Variants in DAD1 observed in about 807,000 individuals in gnomAD.
The protein encoded by DAD1 is dolichyl-diphosphooligosaccharide--protein glycosyltransferase subunit DAD1.
In DAD1, 4 loss-of-function variants were observed where a neutral mutation model predicts 9.0. That is an observed-to-expected ratio of 0.44 (90% CI 0.22 to 1.01). The LOEUF is 1.01. DAD1 is among the 50% of genes least tolerant of loss of function. The pLI, the probability that DAD1 is intolerant of heterozygous loss-of-function variation, is 0.24. For synonymous variants in DAD1, 60 were observed against 62.5 expected (o/e 0.96, Z 0.19); for missense variants, 119 against 137.3 (o/e 0.87, Z 0.67).
At chr14:22,567,704 G>T (rs2037010475) in intron 2 of DAD1, among the ~76,000 whole-genome samples, 2 of 152,166 alleles carry the variant, frequency 1.3e-5, no homozygotes, top group Non-Finnish European at 2.9e-5. Context: ...GTGGCTAGTG[G>T]TTACCATAAT....
Position 22,573,481 on chromosome 14 carries a change from A to G in DAD1, c.*44+1578T>C, listed in dbSNP as rs533551266. Among the ~76,000 whole-genome samples the G allele has an allele frequency of 7.9e-5, 12 of 152,190 alleles. 1 individual carries two copies. In the South Asian group the frequency reaches 1.0e-3, roughly 13 times the overall value. ...AAAAGTTTTTCACTGTTGGGAGGCC[A>G]AGGCGGGCGGATCACCAGGTCAGGA... On this transcript the variant is annotated intron_variant, in intron 2 of 2. Transcript: ENST00000250498.
chr14:22,566,544 G>C (rs5742862), intron 2 of DAD1, among the ~76,000 whole-genome samples: 2,066 of 152,222 alleles, frequency 0.014, 17 homozygotes, highest in Non-Finnish European at 0.021. Context: ...ATGTTGGTCA[G>C]GCTGGTCTCG....
At chr14:22,567,469 T>A (rs1266979786) in intron 2 of DAD1, among the ~76,000 whole-genome samples, 1 of 152,222 alleles carries the variant, frequency 6.6e-6, no homozygotes, top group Non-Finnish European at 1.5e-5. Context: ...GCACAGACTG[T>A]GTATTTCTAA....
At chr14:22,588,374 G>C (rs947465985) in intron 1 of DAD1, among the ~76,000 whole-genome samples, 53 of 152,212 alleles carry the variant, frequency 3.5e-4, no homozygotes, top group African/African-American at 1.3e-3. Flanking sequence ...GGAATCAAAA[G>C]GAAAAATAAG....
chr14:22,579,423 C>A (rs905572835), intron 1 of DAD1, among the ~76,000 whole-genome samples: 1 of 152,174 alleles, frequency 6.6e-6, no homozygotes, highest in African/African-American at 2.4e-5. Flanking sequence ...GTCACCATGG[C>A]AACAGTTTTC....
chr14:22,570,219 G>A (rs967821176), intron 2 of DAD1, among the ~76,000 whole-genome samples: 11 of 151,958 alleles, frequency 7.2e-5, no homozygotes, highest in African/African-American at 2.7e-4. Context: ...AATAAAAGAC[G>A]TAGAACAAAC....
intron 2 of DAD1, among the ~76,000 whole-genome samples, chr14:22,571,209 G>T (rs2139237184): frequency 6.8e-6 from 1 of 147,700 alleles, no homozygotes; most frequent in East Asian, 1.9e-4. Context: ...AGCTACTCGG[G>T]GAGGCTGCGG....
In DAD1 at chr14:22,579,476, C is replaced by T. The variant is rs570077581; in HGVS notation, c.212-4243G>A. 4.6e-5 allele frequency among the ~76,000 whole-genome samples: 7 copies of T among 152,300 alleles called. No individual in the cohort carries two copies. In the South Asian group the frequency reaches 1.5e-3, roughly 32 times the overall value. On this transcript the variant is annotated intron_variant, in intron 1 of 2. Transcript: ENST00000250498. ...AAACACCATGGAAGCACCATTGATC[C>T]TTTCAGGTATCCAGACCCTTAAAAA...
At chr14:22,582,827 G>T (rs558550974) in intron 1 of DAD1, among the ~76,000 whole-genome samples, 56 of 152,002 alleles carry the variant, frequency 3.7e-4, no homozygotes, top group Non-Finnish European at 7.4e-4. Flanking sequence ...CCAACATGGC[G>T]AAACCTCGTC....
At chr14:22,565,778 A>G (rs1039672060) in intron 2 of DAD1, among the ~76,000 whole-genome samples, 9 of 152,192 alleles carry the variant, frequency 5.9e-5, no homozygotes, top group African/African-American at 2.2e-4. Flanking sequence ...CCCTCACCAC[A>G]AGATACAGGC....
chr14:22,586,405 C>T (rs981735316), intron 1 of DAD1, among the ~76,000 whole-genome samples: 1 of 151,598 alleles, frequency 6.6e-6, no homozygotes, highest in African/African-American at 2.4e-5. Flanking sequence ...ATTCGCCGGG[C>T]GTGGTGGCAC....
intron 2 of DAD1, among the ~76,000 whole-genome samples, chr14:22,568,612 G>A (rs2037016833): frequency 1.3e-5 from 2 of 151,862 alleles, no homozygotes; most frequent in Non-Finnish European, 2.9e-5. Context: ...TCACAACACA[G>A]ACAGAGAAAC....
intron 1 of DAD1, among the ~76,000 whole-genome samples, chr14:22,585,838 G>C (rs966684133): frequency 1.3e-5 from 2 of 152,170 alleles, no homozygotes; most frequent in Non-Finnish European, 2.9e-5. Flanking sequence ...AAAAAATAGA[G>C]AAGATTAAAG....
chr14:22,580,470 T>C (rs1418515012), intron 1 of DAD1, among the ~76,000 whole-genome samples: 1 of 151,970 alleles, frequency 6.6e-6, no homozygotes, highest in Non-Finnish European at 1.5e-5. Context: ...ATATACATAA[T>C]TATCTTGTCA....
At position 22,589,008 on chromosome 14, in the gene DAD1, G is replaced by A. The variant is rs2037173287; in HGVS notation, c.150C>T (p.Thr50=). ...CCGAGAGAAAAGAGTTGAAGGGGAA[G>A]GTCCCCACGAGGAGACAGTAACCGA... is the stretch of plus-strand genomic sequence containing the variant. The part of the protein sequence containing the change: ...LQFGYCLLVG[T]FPFNSFLSGF... The change falls in exon 1 of 3, where the codon ACC becomes ACT. Residue 50 remains threonine, a synonymous_variant. Transcript: ENST00000250498. 2 of 1,614,072 alleles carry A rather than the reference G, an allele frequency of 1.2e-6. No homozygotes were observed. Among genetic ancestry groups the A allele is most frequent in the Admixed American group, 1.7e-5 (1 of 60,004 alleles).
intron 1 of DAD1, among the ~76,000 whole-genome samples, chr14:22,581,435 G>C (rs910158328): frequency 6.6e-6 from 1 of 152,068 alleles, no homozygotes; most frequent in African/African-American, 2.4e-5. Flanking sequence ...GAACAATCTT[G>C]ACATGTTATA....
Position 22,575,252 on chromosome 14 carries a change from A to G in DAD1, c.212-19T>C. The G allele has an allele frequency of 6.2e-7, 1 of 1,612,658 alleles. No individual in the cohort carries two copies. Among genetic ancestry groups the G allele is most frequent in the Non-Finnish European group, 8.5e-7 (1 of 1,179,468 alleles). On this transcript the variant is annotated intron_variant, in intron 1 of 2. Coordinates refer to ENST00000250498, the MANE Select transcript of DAD1 (RefSeq NM_001344.4). Reference sequence around the variant, plus strand: ...AGGCAAACTGCACAAGAAGCAAAACACAAAAAAATGATTATATAGAAGTAT... The same window carrying G: ...AGGCAAACTGCACAAGAAGCAAAACGCAAAAAAATGATTATATAGAAGTAT...
At chr14:22,568,846 C>T (rs143067085) in intron 2 of DAD1, among the ~76,000 whole-genome samples, 9 of 152,218 alleles carry the variant, frequency 5.9e-5, no homozygotes, top group South Asian at 4.1e-4. Flanking sequence ...CACAGGCACA[C>T]GCCACCACGC....
intron 1 of DAD1, among the ~76,000 whole-genome samples, chr14:22,585,387 C>T (rs1413610248): frequency 6.6e-6 from 1 of 151,698 alleles, no homozygotes; most frequent in Non-Finnish European, 1.5e-5. Context: ...TTCAGTTGGG[C>T]AAAAAAGGAA....
Sources: allele counts gnomAD v4.1 joint callset (sites outside exome capture counted in the v4.1 genomes callset), GRCh38; gene constraint gnomAD v4.1.1; transcripts MANE v1.5; gene names NCBI Gene and HGNC (gene_info 2026-07-23, HGNC 2026-07-21).